The following FAM81B variants were observed in gnomAD, a reference collection of about 807,000 sequenced individuals.
The protein encoded by FAM81B is protein FAM81B.
FAM81B carries 60 observed loss-of-function variants against 58.7 expected under a neutral mutation model. That is an observed-to-expected ratio of 1.02 (90% CI 0.83 to 1.27). The LOEUF (loss-of-function observed/expected upper bound fraction) is 1.27. FAM81B is among the 50% of genes most tolerant of loss of function. The pLI, the probability that FAM81B is intolerant of heterozygous loss-of-function variation, is 0.00. For synonymous variants in FAM81B, 189 were observed against 179.6 expected (o/e 1.05, Z -0.42); for missense variants, 491 against 522.0 (o/e 0.94, Z 0.58).
chr5:95,445,418 C>T (rs1379686693), intron 7 of FAM81B, among the ~76,000 whole-genome samples: 1 of 152,160 alleles, frequency 6.6e-6, no homozygotes, highest in Admixed American at 6.6e-5. Flanking sequence ...GTCCCCATCC[C>T]TCATCCTACC....
intron 7 of FAM81B, among the ~76,000 whole-genome samples, chr5:95,439,194 C>T (rs1745217862): frequency 1.4e-5 from 2 of 140,662 alleles, no homozygotes; most frequent in African/African-American, 2.6e-5. Context: ...TCCTTAAATA[C>T]TGGCACTTTT....
chr5:95,420,263 A>G (rs1166256542), intron 4 of FAM81B, 21 bp from the exon 5 acceptor site: 1 of 1,612,872 alleles, frequency 6.2e-7, no homozygotes, highest in South Asian at 1.1e-5. Context: ...AATTAATGGG[A>G]AATTTGACTC....
At chr5:95,439,641 T>A (rs895028963) in intron 7 of FAM81B, among the ~76,000 whole-genome samples, 1 of 151,904 alleles carries the variant, frequency 6.6e-6, no homozygotes, top group Non-Finnish European at 1.5e-5. Context: ...TCTGTTTCAA[T>A]CTGGTATATT....
At chr5:95,443,359 A>G (rs1443421855) in intron 7 of FAM81B, among the ~76,000 whole-genome samples, 1 of 151,874 alleles carries the variant, frequency 6.6e-6, no homozygotes. Context: ...AAACATAAAA[A>G]CAACCAATAG....
intron 3 of FAM81B, among the ~76,000 whole-genome samples, chr5:95,404,865 A>G (rs563734693): frequency 6.6e-6 from 1 of 152,356 alleles, no homozygotes; most frequent in African/African-American, 2.4e-5. Context: ...GCTTTCTAGA[A>G]GATAAAATGG....
At chr5:95,419,525 A>T (rs73141909) in intron 4 of FAM81B, among the ~76,000 whole-genome samples, 38,518 of 151,944 alleles carry the variant, frequency 0.25, 6,025 homozygotes, top group African/African-American at 0.44. Context: ...GAATTTTTTT[A>T]AATTTTTTAA....
At chr5:95,430,562 G>T (rs1744835295) in intron 6 of FAM81B, among the ~76,000 whole-genome samples, 1 of 151,644 alleles carries the variant, frequency 6.6e-6, no homozygotes, top group Admixed American at 6.6e-5. Context: ...AACTGCTCTT[G>T]CATAGATGGA....
At chr5:95,438,219 G>A (rs1287307051) in intron 7 of FAM81B, among the ~76,000 whole-genome samples, 1 of 152,180 alleles carries the variant, frequency 6.6e-6, no homozygotes, top group Non-Finnish European at 1.5e-5. Flanking sequence ...GTCTAAGAAA[G>A]CATTTCTACT....
intron 6 of FAM81B, among the ~76,000 whole-genome samples, chr5:95,434,475 G>A (rs1190312142): frequency 1.3e-5 from 2 of 152,126 alleles, no homozygotes; most frequent in Non-Finnish European, 2.9e-5. Context: ...AAACTTCTCT[G>A]CTTTTAGGAG....
At chr5:95,424,005 A>G in intron 5 of FAM81B, 1 of 1,288,798 alleles carries the variant, frequency 7.8e-7, no homozygotes, top group Non-Finnish European at 1.0e-6. Context: ...GCCGGGAGGT[A>G]TAGCCAAGGA....
At chr5:95,404,174 A>T (rs988422300) in intron 3 of FAM81B, among the ~76,000 whole-genome samples, 3 of 152,184 alleles carry the variant, frequency 2.0e-5, no homozygotes, top group Non-Finnish European at 2.9e-5. Context: ...TCTGCAGTCC[A>T]CCACTAGGCT....
chr5:95,403,313 T>C (rs1762161890), intron 3 of FAM81B, among the ~76,000 whole-genome samples: 1 of 152,164 alleles, frequency 6.6e-6, no homozygotes, highest in African/African-American at 2.4e-5. Context: ...TTAAGTTCCT[T>C]GAGGAACAGA....
intron 5 of FAM81B, 55 bp downstream of exon 5, chr5:95,420,457 C>T (rs1403119933): frequency 2.0e-5 from 32 of 1,604,854 alleles, no homozygotes; most frequent in East Asian, 1.1e-4. Flanking sequence ...CCAGTGAATT[C>T]GCATTCCTAA....
chr5:95,442,744 C>T (rs1745412294), intron 7 of FAM81B, among the ~76,000 whole-genome samples: 1 of 152,096 alleles, frequency 6.6e-6, no homozygotes, highest in Non-Finnish European at 1.5e-5. Flanking sequence ...TTAGAAATCA[C>T]ATAACATTAA....
intron 4 of FAM81B, among the ~76,000 whole-genome samples, chr5:95,415,201 T>A (rs1486973501): frequency 6.6e-6 from 1 of 152,140 alleles, no homozygotes; most frequent in African/African-American, 2.4e-5. Context: ...GGTTAACAAT[T>A]TTCATGCAAG....
chr5:95,447,298 GTAAGA>G (rs968569508), intron 8 of FAM81B, among the ~76,000 whole-genome samples: 4 of 152,124 alleles, frequency 2.6e-5, no homozygotes, highest in Non-Finnish European at 5.9e-5. Context: ...GGTGACTAAA[GTAAGA>G]TGTTTTGAGA....
intron 7 of FAM81B, among the ~76,000 whole-genome samples, chr5:95,441,035 G>A (rs1014139203): frequency 3.3e-5 from 5 of 152,152 alleles, no homozygotes; most frequent in South Asian, 2.1e-4. Flanking sequence ...CCTTCAAAAC[G>A]CCAAGGTAAT....
intron 5 of FAM81B, among the ~76,000 whole-genome samples, chr5:95,422,010 T>C (rs1278463158): frequency 6.6e-6 from 1 of 152,070 alleles, no homozygotes; most frequent in Non-Finnish European, 1.5e-5. Context: ...TTCCACCATG[T>C]TGTGTATGAG....
chr5:95,424,263 A>G (rs999295824), intron 5 of FAM81B: 1 of 1,262,074 alleles, frequency 7.9e-7, no homozygotes, highest in Non-Finnish European at 1.0e-6. Context: ...TTCCACTATC[A>G]TCCCCAGATA....
Sources: allele counts gnomAD v4.1 joint callset (sites outside exome capture counted in the v4.1 genomes callset), GRCh38; gene constraint gnomAD v4.1.1; transcripts MANE v1.5; gene names NCBI Gene and HGNC (gene_info 2026-07-23, HGNC 2026-07-21).